PML: variants seen among roughly 807,000 people sequenced by gnomAD.
The protein encoded by PML is PML nuclear body scaffold, also known as protein PML.
Under a neutral mutation model 65.2 loss-of-function variants are expected in PML, and 28 were observed. The observed-to-expected ratio is 0.43, with a 90% confidence interval of 0.32 to 0.59. The LOEUF is 0.59. Among genes scored for constraint, PML ranks in the 20% least tolerant of loss-of-function variants. The pLI is 0.08. For synonymous variants in PML, 500 were observed against 508.8 expected (o/e 0.98, Z 0.23); for missense variants, 1,021 against 1,203.4 (o/e 0.85, Z 2.24).
intron 2 of PML, among the ~76,000 whole-genome samples, chr15:74,018,580 T>G (rs1052699556): frequency 4.6e-5 from 7 of 152,054 alleles, no homozygotes; most frequent in Non-Finnish European, 8.8e-5. Context: ...AACTCCTGGG[T>G]GTAGGCAATC....
chr15:74,011,234 C>T (rs953495986), intron 2 of PML, among the ~76,000 whole-genome samples: 1 of 152,112 alleles, frequency 6.6e-6, no homozygotes. Context: ...GCATTCCAAG[C>T]TAAATCTCAG....
chr15:74,011,269 C>T (rs78648825), intron 2 of PML, among the ~76,000 whole-genome samples: 1,624 of 152,282 alleles, frequency 0.011, 28 homozygotes, highest in African/African-American at 0.036. Context: ...GGTCAGGTTC[C>T]TCTCCCTGCA....
At chr15:74,004,392 C>T (rs1485072213) in intron 2 of PML, among the ~76,000 whole-genome samples, 1 of 152,190 alleles carries the variant, frequency 6.6e-6, no homozygotes, top group Non-Finnish European at 1.5e-5. Context: ...ACCTCGAACT[C>T]CTAGACTCAA....
intron 2 of PML, among the ~76,000 whole-genome samples, chr15:73,999,762 G>C (rs906122265): frequency 6.6e-6 from 1 of 151,700 alleles, no homozygotes; most frequent in Non-Finnish European, 1.5e-5. Context: ...GATTTTGATT[G>C]AAATTGCAAT....
chr15:74,031,922 T>G (rs371933565), intron 4 of PML, among the ~76,000 whole-genome samples: 2 of 152,200 alleles, frequency 1.3e-5, no homozygotes, highest in Non-Finnish European at 2.9e-5. Flanking sequence ...TCCCACTTTA[T>G]AGAGGGGGAC....
intron 2 of PML, among the ~76,000 whole-genome samples, chr15:74,006,570 T>C (rs761610955): frequency 1.3e-5 from 2 of 152,090 alleles, no homozygotes; most frequent in Non-Finnish European, 2.9e-5. Context: ...AAAGAAATGT[T>C]TAGAGAAGTG....
chr15:74,037,003 T>G lies in PML; in HGVS notation c.1710+2473T>G, dbSNP rs1337738016. 1.0e-6 allele frequency: 1 copy of G among 985,460 alleles called. No individual in the cohort carries two copies. The highest frequency in any genetic ancestry group is 1.1e-4 in the East Asian group (1 of 8,818). 61.0% of individuals were successfully genotyped at this position (985,460 alleles called of 1,614,324 possible). ...ATCTTTCATCAGAATTGCAGCTCCC[T>G]GCCCAGCAGAAAATCCTGGAAGGAC... On this transcript the variant is annotated intron_variant, in intron 7 of 8. Coordinates refer to ENST00000268058, the MANE Select transcript of PML (RefSeq NM_033238.3). This position sits in a 1 kb window ranked among gnomAD's most constrained non-coding sequence, Gnocchi z 4.2.
rs1361032559 is a variant in PML, at chr15:74,043,982, G to A, written c.1862-239G>A. On this transcript the variant is annotated intron_variant, in intron 8 of 8. Coordinates refer to ENST00000268058, the MANE Select transcript of PML (RefSeq NM_033238.3). The surrounding 1 kb of genome is among the most constrained non-coding windows in gnomAD (Gnocchi z 4.3). ...CTGGGGCCGGTAGTGGAGGAGGGGA[G>A]AGCTGGATCCCCAGCTGGTGAACAA... 2.0e-5 allele frequency among the ~76,000 whole-genome samples: 3 copies of A among 152,200 alleles called. No homozygotes were observed. Among genetic ancestry groups the A allele is most frequent in the African/African-American group, 7.2e-5 (3 of 41,442 alleles).
At chr15:74,038,364 G>C (rs891055873) in intron 7 of PML, among the ~76,000 whole-genome samples, 1 of 151,934 alleles carries the variant, frequency 6.6e-6, no homozygotes, top group Non-Finnish European at 1.5e-5. Context: ...TTAAGGGAGG[G>C]GGTAAAAGCA....
intron 2 of PML, among the ~76,000 whole-genome samples, chr15:74,010,220 A>T (rs1382019901): frequency 9.9e-5 from 6 of 60,494 alleles, no homozygotes; most frequent in Non-Finnish European, 1.4e-4. Context: ...TTTTGTAGAG[A>T]TGGGCTTTCA....
At position 74,037,005 on chromosome 15, in the gene PML, C is replaced by T; in HGVS notation, c.1710+2475C>T. ...CTTTCATCAGAATTGCAGCTCCCTG[C>T]CCAGCAGAAAATCCTGGAAGGACTC... On this transcript the variant is annotated intron_variant, in intron 7 of 8. Transcript: ENST00000268058. The surrounding 1 kb of genome is among the most constrained non-coding windows in gnomAD (Gnocchi z 4.2). The T allele has an allele frequency of 2.0e-6, 2 of 985,444 alleles. No individual in the cohort carries two copies. Among genetic ancestry groups the T allele is most frequent in the Non-Finnish European group, 2.4e-6 (2 of 829,912 alleles). The allele number at this position is 985,444 out of a possible 1,614,324, so 61.0% of individuals were successfully genotyped here. A position where few individuals can be genotyped will look rare whatever the true frequency, so the allele number is the denominator to read the frequency against.
Position 74,042,306 on chromosome 15 carries a change from G to T in PML, c.1711-683G>T, listed in dbSNP as rs2071712918. ...CCTCCACTGCTCTCTCACTGCCAAG[G>T]ACCTGGGTGTCCACCTAGATGTGGC... On this transcript the variant is annotated intron_variant, in intron 7 of 8. Transcript: ENST00000268058. This position sits in a 1 kb window ranked among gnomAD's most constrained non-coding sequence, Gnocchi z 5.3. 4.1e-6 allele frequency: 4 copies of T among 965,858 alleles called. No individual in the cohort carries two copies. The highest frequency in any genetic ancestry group is 4.9e-6 in the Non-Finnish European group (4 of 812,178). The allele number at this position is 965,858 out of a possible 1,614,324, so 59.8% of individuals were successfully genotyped here.
In PML at chr15:74,023,263, G is replaced by A. The variant is rs781070712; in HGVS notation, c.1038G>A (p.Leu346=). ...MKCYASDQEV[L]DMHGFLRQAL... is the part of the protein sequence containing the mutation. ...GCTACGCCTCGGACCAGGAGGTGCT[G>A]GACATGCACGGTTTCCTGCGCCAGG... is the stretch of plus-strand genomic sequence containing the variant. Residue 346 remains leucine (L), a synonymous_variant, in exon 3 of 9, where the codon CTG becomes CTA. Coordinates refer to ENST00000268058, the MANE Select transcript of PML (RefSeq NM_033238.3). 1 of 1,610,906 alleles carries A rather than the reference G, an allele frequency of 6.2e-7. No individual in the cohort carries two copies. The highest frequency in any genetic ancestry group is 1.7e-5 in the Admixed American group (1 of 59,986).
chr15:73,999,741 C>T (rs758718855), intron 2 of PML, among the ~76,000 whole-genome samples: 9 of 151,864 alleles, frequency 5.9e-5, no homozygotes, highest in Non-Finnish European at 1.3e-4. Flanking sequence ...TTAAAACTTA[C>T]ATATTTATTG....
At chr15:74,019,817 T>C (rs2070755382) in intron 2 of PML, among the ~76,000 whole-genome samples, 1 of 152,248 alleles carries the variant, frequency 6.6e-6, no homozygotes, top group South Asian at 2.1e-4. Context: ...TTAACCTCAT[T>C]TCTCCATGGA....
chr15:74,008,234 G>C (rs1015180465), intron 2 of PML, among the ~76,000 whole-genome samples: 1 of 152,236 alleles, frequency 6.6e-6, no homozygotes, highest in African/African-American at 2.4e-5. Flanking sequence ...AACTGCAATA[G>C]AAGGTTGATG....
At chr15:74,019,290 C>A (rs1234158340) in intron 2 of PML, among the ~76,000 whole-genome samples, 1 of 152,242 alleles carries the variant, frequency 6.6e-6, no homozygotes. Context: ...AGGCTTGGAA[C>A]CCTGTCTCCA....
At position 74,046,318 on chromosome 15, in the gene PML, ACGAC is replaced by A. The variant is rs1347972113; in HGVS notation, c.*1311_*1314del. The A allele has an allele frequency of 4.3e-6, 1 of 233,194 alleles. No homozygotes were observed. Among genetic ancestry groups the A allele is most frequent in the East Asian group, 6.0e-5 (1 of 16,582 alleles). 14.4% of individuals were successfully genotyped at this position (233,194 alleles called of 1,614,324 possible). On this transcript the variant is annotated 3_prime_UTR_variant, in exon 9 of 9. Transcript: ENST00000268058. ...AGGGTTGTCCGCTCTGATTAGCAGA[ACGAC>A]AGCCCCTTCCTCCTCCTCCCTCCTT... is the stretch of plus-strand genomic sequence containing the variant.
chr15:74,037,756 G>GT lies in PML; in HGVS notation c.1710+3232dup. ...CTCCTCCCTCTCCTCTGCAGGCTCT[G>GT]TTTTTTCTTGGTTGTGGTGCTCCTG... On this transcript the variant is annotated intron_variant, in intron 7 of 8. Transcript: ENST00000268058. The surrounding 1 kb of genome is among the most constrained non-coding windows in gnomAD (Gnocchi z 4.2). 5 of 977,556 alleles carry GT rather than the reference G, an allele frequency of 5.1e-6. No homozygotes were observed. Among genetic ancestry groups the GT allele is most frequent in the Non-Finnish European group, 1.2e-6 (1 of 822,802 alleles). 60.6% of individuals were successfully genotyped at this position (977,556 alleles called of 1,614,324 possible).
Sources: allele counts gnomAD v4.1 joint callset (sites outside exome capture counted in the v4.1 genomes callset), GRCh38; gene constraint gnomAD v4.1.1; non-coding constraint Gnocchi (gnomAD v3.1); transcripts MANE v1.5; gene names NCBI Gene and HGNC (gene_info 2026-07-23, HGNC 2026-07-21).